GRM7: variants seen among roughly 807,000 people sequenced by gnomAD.
GRM7 encodes the protein glutamate metabotropic receptor 7.
Under a neutral mutation model 84.5 loss-of-function variants are expected in GRM7, and 35 were observed. That is an observed-to-expected ratio of 0.41 (90% CI 0.32 to 0.55). The LOEUF is 0.55. Ranked by LOEUF, GRM7 falls within the 20% of genes least tolerant of loss-of-function variation. The probability of loss-of-function intolerance (pLI) is 0.19; values close to 1 mark genes in which losing one functional copy is unlikely to be tolerated. For synonymous variants in GRM7, 487 were observed against 455.1 expected (o/e 1.07, Z -0.89); for missense variants, 1,003 against 1,194.6 (o/e 0.84, Z 2.36).
intron 7 of GRM7, among the ~76,000 whole-genome samples, chr3:7,542,077 A>G (rs558038048): frequency 6.6e-6 from 1 of 152,274 alleles, no homozygotes; most frequent in East Asian, 1.9e-4. Context: ...TTATGAGGAC[A>G]CTAGTCATAT....
At chr3:7,247,088 C>T (rs1046979943) in intron 2 of GRM7, among the ~76,000 whole-genome samples, 2 of 152,090 alleles carry the variant, frequency 1.3e-5, no homozygotes, top group African/African-American at 4.8e-5. Context: ...ATTACTTGAA[C>T]AATGGTGTAT....
At chr3:7,712,810 G>A (rs1049369214) in intron 9 of GRM7, among the ~76,000 whole-genome samples, 1 of 152,112 alleles carries the variant, frequency 6.6e-6, no homozygotes, top group Non-Finnish European at 1.5e-5. Context: ...AAATCAAGGT[G>A]GCAGCAGGGC....
intron 2 of GRM7, among the ~76,000 whole-genome samples, chr3:7,161,750 A>G (rs1017053998): frequency 3.9e-5 from 6 of 152,232 alleles, no homozygotes; most frequent in African/African-American, 1.4e-4. Flanking sequence ...GTCAAGCACT[A>G]TTCTAGATCC....
intron 7 of GRM7, among the ~76,000 whole-genome samples, chr3:7,468,774 TGTAA>T (rs145245505): frequency 0.016 from 2,498 of 152,248 alleles, 79 homozygotes; most frequent in African/African-American, 0.058. Flanking sequence ...CTGATGCTTT[TGTAA>T]GTGTCTGGCA....
chr3:7,428,400 G>A (rs903618079), intron 5 of GRM7, among the ~76,000 whole-genome samples: 1 of 152,102 alleles, frequency 6.6e-6, no homozygotes, highest in Non-Finnish European at 1.5e-5. Flanking sequence ...TTGTTCACCT[G>A]CTTTTAATGT....
At position 7,589,537 on chromosome 3, in the gene GRM7, T is replaced by A. The variant is rs141080883; in HGVS notation, c.2451+10180T>A. On this transcript the variant is annotated intron_variant, in intron 8 of 9. Transcript: ENST00000357716. ...CAGTGAATAAACAGTAGAGGCAAGT[T>A]AATGGCACAGTCCTTGGACTGAAAT... Among the ~76,000 whole-genome samples, 50 of 152,274 alleles carry A rather than the reference T, an allele frequency of 3.3e-4. 1 individual carries two copies. In the East Asian group the frequency reaches 7.9e-3, roughly 24 times the overall value.
chr3:6,963,137 C>T (rs545655621), intron 1 of GRM7, among the ~76,000 whole-genome samples: 2 of 152,212 alleles, frequency 1.3e-5, no homozygotes, highest in Non-Finnish European at 1.5e-5. Context: ...TCCAGGTGGC[C>T]AGTGTTCTGC....
At chr3:7,593,308 C>T (rs1015602422) in intron 8 of GRM7, among the ~76,000 whole-genome samples, 2 of 152,100 alleles carry the variant, frequency 1.3e-5, no homozygotes, top group South Asian at 4.1e-4. Context: ...TGGCACTTTC[C>T]AGTTTCAAAC....
At chr3:7,587,506 A>C (rs1245282503) in intron 8 of GRM7, among the ~76,000 whole-genome samples, 1 of 152,206 alleles carries the variant, frequency 6.6e-6, no homozygotes, top group Admixed American at 6.5e-5. Flanking sequence ...TAGCGGGACT[A>C]TAAGAGCTGA....
chr3:7,179,909 C>A (rs1050661065), intron 2 of GRM7, among the ~76,000 whole-genome samples: 2 of 152,138 alleles, frequency 1.3e-5, no homozygotes, highest in Non-Finnish European at 2.9e-5. Context: ...AGAAATCTCC[C>A]AGACTTCTTT....
intron 1 of GRM7, among the ~76,000 whole-genome samples, chr3:6,949,927 C>G (rs1692659303): frequency 6.6e-6 from 1 of 152,190 alleles, no homozygotes; most frequent in Admixed American, 6.5e-5. Flanking sequence ...AACGACTTCT[C>G]TGCATTGGTT....
At chr3:7,648,506 G>A (rs1421851206) in intron 8 of GRM7, among the ~76,000 whole-genome samples, 1 of 151,908 alleles carries the variant, frequency 6.6e-6, no homozygotes, top group East Asian at 1.9e-4. Flanking sequence ...AAAGTTAGCT[G>A]GGCATGGTGG....
At chr3:7,418,846 A>G (rs1575308894) in intron 5 of GRM7, among the ~76,000 whole-genome samples, 1 of 152,198 alleles carries the variant, frequency 6.6e-6, no homozygotes, top group African/African-American at 2.4e-5. Flanking sequence ...TGTTCTAAGG[A>G]CATCCATAAC....
rs1317747594 is a variant in GRM7 at position 7,587,271 on chromosome 3, C to G, written c.2451+7914C>G. Among the ~76,000 whole-genome samples, 3 of 152,120 alleles carry G rather than the reference C, an allele frequency of 2.0e-5. No homozygotes were observed. The East Asian group carries it at 5.8e-4, about 29-fold the overall frequency. On this transcript the variant is annotated intron_variant, in intron 8 of 9. Transcript: ENST00000357716. ...CTGGCCTATTTGCACAGTACTGAAC[C>G]TAGAAATATATTTGTAATGATATTA...
At chr3:7,469,232 T>C (rs1007106815) in intron 7 of GRM7, among the ~76,000 whole-genome samples, 1 of 152,196 alleles carries the variant, frequency 6.6e-6, no homozygotes, top group Admixed American at 6.5e-5. Context: ...AAGTTAGCAA[T>C]TCTACATGAT....
intron 7 of GRM7, among the ~76,000 whole-genome samples, chr3:7,477,612 T>C: frequency 6.6e-6 from 1 of 152,162 alleles, no homozygotes; most frequent in East Asian, 1.9e-4. Flanking sequence ...CATCTCACTT[T>C]GTTTCTTTCT....
At chr3:7,437,842 A>G (rs1371450180) in intron 5 of GRM7, among the ~76,000 whole-genome samples, 1 of 152,156 alleles carries the variant, frequency 6.6e-6, no homozygotes, top group East Asian at 1.9e-4. Flanking sequence ...GAGAGACCAA[A>G]CTTTGAGAAT....
At chr3:7,353,056 C>G (rs1370596440) in intron 4 of GRM7, among the ~76,000 whole-genome samples, 1 of 152,030 alleles carries the variant, frequency 6.6e-6, no homozygotes, top group Non-Finnish European at 1.5e-5. Flanking sequence ...ACATACTTAG[C>G]AGCTTTTGGG....
intron 7 of GRM7, among the ~76,000 whole-genome samples, chr3:7,521,290 G>A (rs1317962949): frequency 6.6e-6 from 1 of 152,114 alleles, no homozygotes; most frequent in Non-Finnish European, 1.5e-5. Context: ...GCAGTTCTTG[G>A]TCATTGCTAT....
Sources: allele counts gnomAD v4.1 joint callset (sites outside exome capture counted in the v4.1 genomes callset), GRCh38; gene constraint gnomAD v4.1.1; transcripts MANE v1.5; gene names NCBI Gene and HGNC (gene_info 2026-07-23, HGNC 2026-07-21).